The following ZNF43 variants were observed in gnomAD, a reference collection of about 807,000 sequenced individuals.
ZNF43 encodes the protein zinc finger protein 43.
In ZNF43, 44 loss-of-function variants were observed where a neutral mutation model predicts 68.4. That is an observed-to-expected ratio of 0.64 (90% CI 0.51 to 0.83). The LOEUF is 0.83. Ranked by LOEUF, ZNF43 falls within the 40% of genes least tolerant of loss-of-function variation. ZNF43 has a pLI of 0.00. For missense variants in ZNF43, 896 were observed against 933.2 expected, an observed-to-expected ratio of 0.96 and a Z score of 0.52; for synonymous variants, 308 against 307.8, an observed-to-expected ratio of 1.00 and a Z score of -0.01.
rs191654465 is a variant in ZNF43 at position 21,849,001 on chromosome 19, T to C, written c.30+2904A>G. Among the ~76,000 whole-genome samples the C allele has an allele frequency of 2.1e-4, 32 of 152,256 alleles. No homozygotes were observed. The East Asian group carries it at 4.6e-3, about 22-fold the overall frequency. On this transcript the variant is annotated intron_variant, in intron 1 of 3. Coordinates refer to the ZNF43 transcript ENST00000357491. ...CAAACTCCTGCGGAATGTTCACATATAACAGCCACAATTTTAACGGTGGAC... is the reference window on the plus strand; with the variant it reads ...CAAACTCCTGCGGAATGTTCACATACAACAGCCACAATTTTAACGGTGGAC...
chr19:21,851,979 A>C, exon 1 of ZNF43: 1 of 1,531,472 alleles, frequency 6.5e-7, no homozygotes, highest in Middle Eastern at 1.9e-4. Context: ...AGGGTAACGG[A>C]GGCTGCGACA....
At chr19:21,843,613 A>G (rs535893526) in intron 1 of ZNF43, among the ~76,000 whole-genome samples, 2 of 152,154 alleles carry the variant, frequency 1.3e-5, no homozygotes, top group Admixed American at 6.5e-5. Context: ...ACATGGCAAA[A>G]TCTCATCTCT....
chr19:21,850,744 G>GA (rs1968292785), intron 1 of ZNF43, among the ~76,000 whole-genome samples: 1 of 152,154 alleles, frequency 6.6e-6, no homozygotes, highest in African/African-American at 2.4e-5. Flanking sequence ...GCCAAGGCAA[G>GA]AAAAAAGACT....
At chr19:21,842,048 T>C (rs1020676154) in intron 1 of ZNF43, among the ~76,000 whole-genome samples, 3 of 152,050 alleles carry the variant, frequency 2.0e-5, no homozygotes, top group African/African-American at 7.2e-5. Context: ...GACGTGACTC[T>C]CCTTTTCTAA....
At chr19:21,848,319 T>A (rs532530866) in intron 1 of ZNF43, among the ~76,000 whole-genome samples, 11 of 152,014 alleles carry the variant, frequency 7.2e-5, no homozygotes, top group African/African-American at 2.7e-4. Context: ...AATTTTTGTA[T>A]TGTTTTAGTA....
rs769999466 is a variant in ZNF43 at position 21,809,059 on chromosome 19, G to C, written c.978C>G (p.Pro326=). The C allele has an allele frequency of 6.2e-7, 1 of 1,611,630 alleles. No individual in the cohort carries two copies. Among genetic ancestry groups the C allele is most frequent in the Non-Finnish European group, 8.5e-7 (1 of 1,179,270 alleles). ...TTCTCTTATGTTTAGTAAGAGTTGA[G>C]GGCCAGTTAAAGGCTTTGCCACATT... The part of the protein sequence containing the change: ...CEECGKAFNW[P]STLTKHKRIH... Residue 326 remains proline, a synonymous_variant, in exon 4 of 4, where the codon CCC becomes CCG. Transcript: ENST00000354959.
At chr19:21,816,453 TA>T (rs1273027696) in intron 3 of ZNF43, among the ~76,000 whole-genome samples, 38 of 152,292 alleles carry the variant, frequency 2.5e-4, no homozygotes, top group Admixed American at 5.2e-4. Context: ...GGTGGCAAAC[TA>T]CGGGACCCCT....
chr19:21,819,907 TTAA>T (rs1272556324), intron 1 of ZNF43, among the ~76,000 whole-genome samples: 1 of 152,076 alleles, frequency 6.6e-6, no homozygotes, highest in African/African-American at 2.4e-5. Flanking sequence ...ATAAAGATTC[TTAA>T]TAATATGGCC....
At chr19:21,850,893 AG>A (rs1276626463) in intron 1 of ZNF43, 1 of 114,414 alleles carries the variant, frequency 8.7e-6, no homozygotes, top group Non-Finnish European at 1.7e-5. Context: ...GGGCCAAGGC[AG>A]GAGTCAAATC....
upstream of ZNF43, chr19:21,838,950 C>T (rs756164707): frequency 3.3e-5 from 5 of 152,128 alleles, no homozygotes; most frequent in Admixed American, 2.0e-4. Flanking sequence ...TCTCTGTTAG[C>T]AGGGTGCAGG....
rs776574712 is a variant in ZNF43 at position 21,809,343 on chromosome 19, A to G, written c.694T>C (p.Cys232Arg). 5.6e-6 allele frequency: 9 copies of G among 1,613,826 alleles called. No individual in the cohort carries two copies. Among genetic ancestry groups the G allele is most frequent in the Non-Finnish European group, 6.8e-6 (8 of 1,179,904 alleles). The change falls in exon 4 of 4, where the codon TGT becomes CGT. Residue 232 changes from cysteine to arginine, a missense_variant. Cys to Arg is a radical substitution (Grantham distance 180, BLOSUM62 -3). Transcript: ENST00000354959. ...TTAAAGACTTTGCCACATTCTTCAC[A>G]TGTGTAGGGTTTCTCTCCAGTATTA... ...RINTGEKPYT[C>R]EECGKVFNWS...
At chr19:21,810,940 C>CA (rs1366963138) in intron 3 of ZNF43, among the ~76,000 whole-genome samples, 3 of 151,740 alleles carry the variant, frequency 2.0e-5, no homozygotes, top group African/African-American at 7.3e-5. Context: ...GATCCTGTCT[C>CA]AAAACAACAA....
chr19:21,842,674 G>A (rs1967626223), intron 1 of ZNF43, among the ~76,000 whole-genome samples: 1 of 152,104 alleles, frequency 6.6e-6, no homozygotes, highest in Non-Finnish European at 1.5e-5. Flanking sequence ...TCACCCCAGT[G>A]GGCAAGACTG....
At chr19:21,830,365 T>C (rs1282559716) in intron 1 of ZNF43, among the ~76,000 whole-genome samples, 2 of 142,988 alleles carry the variant, frequency 1.4e-5, no homozygotes, top group Non-Finnish European at 3.1e-5. Context: ...ATAAGATAAA[T>C]AGCACTCTAG....
intron 1 of ZNF43, among the ~76,000 whole-genome samples, chr19:21,829,051 A>C: frequency 6.7e-6 from 1 of 148,554 alleles, no homozygotes; most frequent in African/African-American, 2.5e-5. Context: ...AAAAAAAAAA[A>C]AAAAAAAAAA....
At chr19:21,818,611 C>T (rs750750777) in intron 2 of ZNF43, among the ~76,000 whole-genome samples, 2 of 146,074 alleles carry the variant, frequency 1.4e-5, no homozygotes, top group African/African-American at 2.5e-5. Flanking sequence ...AGTAGAGATG[C>T]GGTTTTGCCA....
At chr19:21,812,760 G>A (rs979128903) in intron 3 of ZNF43, among the ~76,000 whole-genome samples, 19 of 151,884 alleles carry the variant, frequency 1.3e-4, no homozygotes, top group Admixed American at 4.6e-4. Context: ...AGATCAGCCC[G>A]GCCAACATGG....
chr19:21,847,658 T>C lies in ZNF43; in HGVS notation c.30+4247A>G, dbSNP rs1372680465. Among the ~76,000 whole-genome samples the C allele has an allele frequency of 4.0e-5, 6 of 150,980 alleles. 1 individual carries two copies. The highest frequency in any genetic ancestry group is 2.1e-4 in the South Asian group (1 of 4,724). On this transcript the variant is annotated intron_variant, in intron 1 of 3. Transcript: ENST00000357491. ...GTTGCAGTAAGCCAAGATCACAACATTGCACTCCAGCCTGTGCAACAGAGT... is the reference window on the plus strand; with the variant it reads ...GTTGCAGTAAGCCAAGATCACAACACTGCACTCCAGCCTGTGCAACAGAGT...
At chr19:21,835,984 A>C in intron 1 of ZNF43, 52 bp downstream of exon 1, 1 of 1,612,550 alleles carries the variant, frequency 6.2e-7, no homozygotes. Context: ...GGAAGGCCTG[A>C]GTCACGCCAC....
Sources: allele counts gnomAD v4.1 joint callset (sites outside exome capture counted in the v4.1 genomes callset), GRCh38; gene constraint gnomAD v4.1.1; transcripts MANE v1.5; gene names NCBI Gene and HGNC (gene_info 2026-07-23, HGNC 2026-07-21).